Variants in ZMIZ1 observed in about 807,000 individuals in gnomAD.
ZMIZ1 encodes the protein zinc finger MIZ domain-containing protein 1.
A neutral mutation model predicts 113.9 loss-of-function variants in ZMIZ1; 17 were observed. The ratio of observed to expected loss-of-function variants is 0.15; its 90% confidence interval spans 0.10 to 0.22. ZMIZ1 has a LOEUF of 0.22. Among genes scored for constraint, ZMIZ1 ranks in the 10% least tolerant of loss-of-function variants. The pLI is 1.00. For synonymous variants in ZMIZ1, 607 were observed against 603.1 expected, an observed-to-expected ratio of 1.01 and a Z score of -0.09; for missense variants, 1,059 against 1,477.8, an observed-to-expected ratio of 0.72 and a Z score of 4.65.
chr10:79,110,000 GTACCC>G (rs1422156297), intron 1 of ZMIZ1, among the ~76,000 whole-genome samples: 1 of 152,258 alleles, frequency 6.6e-6, no homozygotes, highest in African/African-American at 2.4e-5. Context: ...CTGCAGGGTG[GTACCC>G]ATAGGACTTG....
chr10:79,109,698 C>G (rs1402681033), intron 1 of ZMIZ1, among the ~76,000 whole-genome samples: 4 of 152,234 alleles, frequency 2.6e-5, no homozygotes, highest in Admixed American at 6.5e-5. Flanking sequence ...GAAGCCCAGT[C>G]AAGAGTCAGG....
chr10:79,299,266 T>C, intron 16 of ZMIZ1, 75 bp downstream of exon 16: 3 of 1,523,776 alleles, frequency 2.0e-6, no homozygotes, highest in Non-Finnish European at 1.8e-6. Flanking sequence ...TGGGCCCGAG[T>C]GGGGCCCTGG....
At chr10:79,077,272 C>A (rs866034421) in intron 1 of ZMIZ1, among the ~76,000 whole-genome samples, 1 of 152,106 alleles carries the variant, frequency 6.6e-6, no homozygotes, top group South Asian at 2.1e-4. Context: ...GCTCTAACCA[C>A]TCAGCGACCT....
intron 4 of ZMIZ1, among the ~76,000 whole-genome samples, chr10:79,184,810 T>C (rs1847282412): frequency 6.6e-6 from 1 of 152,242 alleles, no homozygotes; most frequent in Admixed American, 6.5e-5. Context: ...CAAAGTGTGC[T>C]CTGCATGAAG....
At chr10:79,312,061 G>A (rs1855208711) in intron 24 of ZMIZ1, among the ~76,000 whole-genome samples, 1 of 152,216 alleles carries the variant, frequency 6.6e-6, no homozygotes. Context: ...GCTGCTTTTA[G>A]ATGCATGAGG....
chr10:79,213,856 T>C (rs1220774231), intron 6 of ZMIZ1, among the ~76,000 whole-genome samples: 1 of 152,188 alleles, frequency 6.6e-6, no homozygotes, highest in Non-Finnish European at 1.5e-5. Context: ...GAGATAATAA[T>C]AATAATACCT....
intron 6 of ZMIZ1, among the ~76,000 whole-genome samples, chr10:79,213,703 G>T (rs531270657): frequency 2.6e-5 from 4 of 152,344 alleles, no homozygotes; most frequent in African/African-American, 7.2e-5. Context: ...GGAAGTTATG[G>T]CGTTAACCCT....
intron 4 of ZMIZ1, among the ~76,000 whole-genome samples, chr10:79,168,842 T>G (rs1481764358): frequency 6.6e-6 from 1 of 152,104 alleles, no homozygotes; most frequent in Non-Finnish European, 1.5e-5. Context: ...GGCTGCTGGG[T>G]GAGCTGGGCC....
chr10:79,296,766 A>G lies in ZMIZ1; in HGVS notation c.1413+113A>G, dbSNP rs958671813. On this transcript the variant is annotated intron_variant, in intron 13 of 24. Coordinates refer to ENST00000334512, the MANE Select transcript of ZMIZ1 (RefSeq NM_020338.4). This position sits in a 1 kb window ranked among gnomAD's most constrained non-coding sequence, Gnocchi z 4.1. ...GCGTGTGTTTGCCCCAAGGACAGCG[A>G]GGGGTGGGTGATTTCTGAACGTCCC... The G allele has an allele frequency of 1.7e-5, 19 of 1,103,554 alleles. No individual in the cohort carries two copies. Among genetic ancestry groups the G allele is most frequent in the Non-Finnish European group, 2.3e-5 (18 of 798,886 alleles). The allele number at this position is 1,103,554 out of a possible 1,614,324, so 68.4% of individuals were successfully genotyped here.
intron 15 of ZMIZ1, 69 bp from the exon 16 acceptor site, chr10:79,298,981 C>T (rs1307734215): frequency 1.3e-6 from 2 of 1,539,214 alleles, no homozygotes; most frequent in African/African-American, 1.4e-5. Context: ...GTGAGCAAGT[C>T]CCACCTACAG....
intron 8 of ZMIZ1, 122 bp downstream of exon 8, chr10:79,277,447 G>C: frequency 7.7e-7 from 1 of 1,292,682 alleles, no homozygotes; most frequent in Admixed American, 3.6e-5. Context: ...CATTTTCTAA[G>C]GTGCAGTTGT....
chr10:79,106,291 C>T (rs926504658), intron 1 of ZMIZ1, among the ~76,000 whole-genome samples: 1 of 152,246 alleles, frequency 6.6e-6, no homozygotes, highest in Non-Finnish European at 1.5e-5. Context: ...GTAGTTGCTC[C>T]ACTAACAGGG....
intron 2 of ZMIZ1, among the ~76,000 whole-genome samples, chr10:79,137,583 TG>T (rs935125476): frequency 6.6e-6 from 1 of 151,948 alleles, no homozygotes; most frequent in Non-Finnish European, 1.5e-5. Flanking sequence ...ACCCCTACAG[TG>T]GTCGTTGAGT....
chr10:79,169,994 A>G (rs1360605000), intron 4 of ZMIZ1, among the ~76,000 whole-genome samples: 1 of 152,154 alleles, frequency 6.6e-6, no homozygotes, highest in Non-Finnish European at 1.5e-5. Flanking sequence ...TCAAGTGGGA[A>G]CTTCTAGGAG....
chr10:79,174,269 G>A (rs1361986112), intron 4 of ZMIZ1, among the ~76,000 whole-genome samples: 1 of 152,276 alleles, frequency 6.6e-6, no homozygotes. Flanking sequence ...CGGGGACACC[G>A]GGGACACACA....
chr10:79,273,821 G>A (rs376495236), intron 7 of ZMIZ1, among the ~76,000 whole-genome samples: 2 of 152,288 alleles, frequency 1.3e-5, no homozygotes, highest in Non-Finnish European at 2.9e-5. Context: ...GAGGGTGGCC[G>A]TGGGTCTAAT....
intron 7 of ZMIZ1, among the ~76,000 whole-genome samples, chr10:79,229,045 G>A (rs575014377): frequency 6.6e-6 from 1 of 152,320 alleles, no homozygotes; most frequent in South Asian, 2.1e-4. Context: ...GTGACTGTAT[G>A]CAAATCACTC....
At chr10:79,148,624 C>T (rs2132442317) in intron 3 of ZMIZ1, among the ~76,000 whole-genome samples, 1 of 147,522 alleles carries the variant, frequency 6.8e-6, no homozygotes, top group Non-Finnish European at 1.5e-5. Context: ...CCACCTACAA[C>T]TGAATGTGGA....
At chr10:79,215,043 A>AT (rs201522562) in intron 6 of ZMIZ1, among the ~76,000 whole-genome samples, 4 of 142,448 alleles carry the variant, frequency 2.8e-5, no homozygotes, top group Non-Finnish European at 6.0e-5. Flanking sequence ...TACTTCTGAG[A>AT]TTTTAAGGAG....
Sources: gnomAD v4.1 joint callset for allele counts (sites outside exome capture counted in the v4.1 genomes callset) on GRCh38, gnomAD v4.1.1 for gene constraint, Gnocchi (gnomAD v3.1) non-coding constraint, MANE v1.5 for transcripts, NCBI Gene and HGNC (gene_info 2026-07-23, HGNC 2026-07-21) for gene names.